The following OXR1 variants were observed in gnomAD, a reference collection of about 807,000 sequenced individuals.
OXR1 encodes the protein oxidation resistance 1, also known as oxidation resistance protein 1.
Under a neutral mutation model 104.6 loss-of-function variants are expected in OXR1, and 41 were observed. The observed-to-expected ratio is 0.39, with a 90% confidence interval of 0.31 to 0.51. The LOEUF is 0.51. Ranked by LOEUF, OXR1 falls within the 20% of genes least tolerant of loss-of-function variation. The pLI, the probability that OXR1 is intolerant of heterozygous loss-of-function variation, is 0.77. For missense variants in OXR1, 955 were observed against 1,031.9 expected (o/e 0.93, Z 1.02); for synonymous variants, 348 against 348.4 (o/e 1.00, Z 0.01).
intron 1 of OXR1, among the ~76,000 whole-genome samples, chr8:106,294,438 TGG>T (rs1206051535): frequency 6.8e-6 from 1 of 147,648 alleles, no homozygotes; most frequent in African/African-American, 2.5e-5. Flanking sequence ...TACCTGAGAC[TGG>T]GTAATTTATA....
chr8:106,400,680 TAA>T, intron 2 of OXR1, among the ~76,000 whole-genome samples: 1 of 152,266 alleles, frequency 6.6e-6, no homozygotes, highest in South Asian at 2.1e-4. Context: ...GGAAAATAAA[TAA>T]GACTTAAATT....
Position 106,706,843 on chromosome 8 carries a change from C to A in OXR1, c.1322C>A (p.Thr441Lys). 6.2e-7 allele frequency: 1 copy of A among 1,612,546 alleles called. No homozygotes were observed. The highest frequency in any genetic ancestry group is 1.1e-5 in the South Asian group (1 of 90,662). The change falls in exon 9 of 17, where the codon ACA becomes AAA. Residue 441 changes from threonine to lysine, a missense_variant. This residue lies in a region of OXR1 where 849 missense variants were observed against 852.9 expected (regional missense o/e 1.00). Coordinates refer to ENST00000517566, the MANE Select transcript of OXR1 (RefSeq NM_001198533.2). Reference sequence around the variant, plus strand: ...ATATCAGGTCCTAAAGAAGACAGCACAAGTATAAAAGGTAATTCAGACCAG... The same window carrying A: ...ATATCAGGTCCTAAAGAAGACAGCAAAAGTATAAAAGGTAATTCAGACCAG... ...QGISGPKEDS[T>K]SIKGNSDQDS...
intron 1 of OXR1, among the ~76,000 whole-genome samples, chr8:106,279,699 C>T (rs888263988): frequency 2.0e-5 from 3 of 152,156 alleles, no homozygotes; most frequent in Admixed American, 1.3e-4. Flanking sequence ...TTCACTGGAA[C>T]TTACTAATAG....
chr8:106,354,818 C>G (rs533661838), intron 1 of OXR1, among the ~76,000 whole-genome samples: 1 of 152,118 alleles, frequency 6.6e-6, no homozygotes, highest in South Asian at 2.1e-4. Flanking sequence ...TAAATAAAAT[C>G]ACTTCACAGA....
At chr8:106,396,856 C>T (rs1039665634) in intron 2 of OXR1, among the ~76,000 whole-genome samples, 2 of 152,086 alleles carry the variant, frequency 1.3e-5, no homozygotes, top group Admixed American at 6.6e-5. Context: ...CAGAAACTCT[C>T]TATACTGTAT....
chr8:106,347,261 C>A (rs1815533986), intron 1 of OXR1, among the ~76,000 whole-genome samples: 1 of 152,196 alleles, frequency 6.6e-6, no homozygotes, highest in African/African-American at 2.4e-5. Flanking sequence ...CAAAGAGTGA[C>A]ATGCAGATTT....
intron 1 of OXR1, among the ~76,000 whole-genome samples, chr8:106,305,662 G>T (rs1353277157): frequency 6.6e-6 from 1 of 152,024 alleles, no homozygotes; most frequent in Non-Finnish European, 1.5e-5. Context: ...CTCTGCAGTG[G>T]CTGCTTCTCA....
chr8:106,455,694 AAATGCAGTT>A (rs1820563361), intron 2 of OXR1, among the ~76,000 whole-genome samples: 1 of 152,208 alleles, frequency 6.6e-6, no homozygotes, highest in Non-Finnish European at 1.5e-5. Flanking sequence ...TACTGGGCAG[AAATGCAGTT>A]ACCTGGGGTC....
At chr8:106,490,667 G>C (rs1487260694) in intron 2 of OXR1, among the ~76,000 whole-genome samples, 3 of 152,104 alleles carry the variant, frequency 2.0e-5, no homozygotes, top group African/African-American at 7.2e-5. Flanking sequence ...AACCCAGCTG[G>C]ATGCACTATT....
At chr8:106,355,572 T>G (rs1326408264) in intron 1 of OXR1, among the ~76,000 whole-genome samples, 1 of 152,216 alleles carries the variant, frequency 6.6e-6, no homozygotes, top group South Asian at 2.1e-4. Context: ...TTATAAGTTA[T>G]AAAAGAAAAG....
intron 7 of OXR1, among the ~76,000 whole-genome samples, chr8:106,694,853 A>T (rs1334141923): frequency 9.0e-6 from 1 of 110,618 alleles, no homozygotes; most frequent in Non-Finnish European, 1.8e-5. Flanking sequence ...TATATTTAAT[A>T]TATAAATACA....
intron 1 of OXR1, among the ~76,000 whole-genome samples, chr8:106,277,896 G>A (rs1240775341): frequency 1.3e-5 from 2 of 152,152 alleles, no homozygotes; most frequent in Non-Finnish European, 2.9e-5. Context: ...CATAGTGGCT[G>A]GAAAGGTGGA....
At chr8:106,544,598 A>G (rs915564123) in intron 3 of OXR1, among the ~76,000 whole-genome samples, 1 of 152,226 alleles carries the variant, frequency 6.6e-6, no homozygotes, top group African/African-American at 2.4e-5. Context: ...ACATAGCACT[A>G]CGAAAAAGTA....
At chr8:106,479,260 T>A (rs966328943) in intron 2 of OXR1, among the ~76,000 whole-genome samples, 1 of 152,000 alleles carries the variant, frequency 6.6e-6, no homozygotes, top group Non-Finnish European at 1.5e-5. Context: ...TGTGCCTGTT[T>A]AAACTACTTT....
At chr8:106,378,128 C>G (rs761572158) in intron 2 of OXR1, among the ~76,000 whole-genome samples, 4 of 152,162 alleles carry the variant, frequency 2.6e-5, no homozygotes, top group Non-Finnish European at 5.9e-5. Flanking sequence ...ACATTAAGAT[C>G]TTTTTGGAAT....
intron 3 of OXR1, among the ~76,000 whole-genome samples, chr8:106,528,024 G>A (rs984589923): frequency 3.9e-5 from 6 of 152,210 alleles, no homozygotes; most frequent in African/African-American, 7.2e-5. Context: ...TAAAAGAACA[G>A]TAGTTTTTCA....
intron 10 of OXR1, among the ~76,000 whole-genome samples, chr8:106,712,958 A>G (rs1240041760): frequency 2.6e-5 from 4 of 151,988 alleles, no homozygotes; most frequent in African/African-American, 9.7e-5. Flanking sequence ...ACAAATTAGT[A>G]TTATTAGGAT....
At chr8:106,732,638 A>G (rs968205923) in intron 11 of OXR1, among the ~76,000 whole-genome samples, 2 of 152,140 alleles carry the variant, frequency 1.3e-5, no homozygotes, top group African/African-American at 4.8e-5. Flanking sequence ...TGATAAGATC[A>G]CATGATTTTT....
At chr8:106,573,768 T>G (rs1817639192) in intron 3 of OXR1, among the ~76,000 whole-genome samples, 1 of 152,232 alleles carries the variant, frequency 6.6e-6, no homozygotes, top group Non-Finnish European at 1.5e-5. Context: ...CTGTGAAGAC[T>G]TGAGAATCTA....
Sources: allele counts gnomAD v4.1 joint callset (sites outside exome capture counted in the v4.1 genomes callset), GRCh38; gene constraint gnomAD v4.1.1; regional missense constraint gnomAD v4.1.1; transcripts MANE v1.5; gene names NCBI Gene and HGNC (gene_info 2026-07-23, HGNC 2026-07-21).